BCO1: variants seen among roughly 807,000 people sequenced by gnomAD.
BCO1 encodes beta,beta-carotene 15,15'-dioxygenase.
A neutral mutation model predicts 56.3 loss-of-function variants in BCO1; 54 were observed. The observed-to-expected ratio is 0.96, with a 90% confidence interval of 0.77 to 1.20. The LOEUF (loss-of-function observed/expected upper bound fraction) is 1.20, where lower values mean the gene tolerates loss of function less well. Ranked by LOEUF, BCO1 falls within the 50% of genes most tolerant of loss-of-function variation. BCO1 has a pLI of 0.00. For missense variants in BCO1, 801 were observed against 690.9 expected (o/e 1.16, Z -1.79); for synonymous variants, 318 against 266.1 (o/e 1.20, Z -1.90).
chr16:81,258,602 G>A (rs58808754), intron 2 of BCO1, among the ~76,000 whole-genome samples: 1 of 152,190 alleles, frequency 6.6e-6, no homozygotes, highest in Non-Finnish European at 1.5e-5. Flanking sequence ...ACACAAACAG[G>A]GTGGAAGGGA....
At position 81,264,730 on chromosome 16, in the gene BCO1, A is replaced by G. The variant is rs750755364; in HGVS notation, c.562A>G (p.Ile188Val). ...AGNVLNMGTS[I>V]VEKGKTKYVI... The stretch of plus-strand genomic sequence containing the variant: ...AAATGTTCTAAACATGGGCACATCC[A>G]TTGTGGAAAAGGGGAAGACAAAGTA... The change falls in exon 5 of 11, where the codon ATT becomes GTT. Residue 188 changes from isoleucine (I) to valine (V), a missense_variant. Ile to Val is a conservative substitution (Grantham distance 29). Coordinates refer to ENST00000258168, the MANE Select transcript of BCO1 (RefSeq NM_017429.3). 1 of 1,614,234 alleles carries G rather than the reference A, an allele frequency of 6.2e-7. No individual in the cohort carries two copies. Among genetic ancestry groups the G allele is most frequent in the Non-Finnish European group, 8.5e-7 (1 of 1,180,040 alleles).
At chr16:81,247,216 G>A (rs115073576) in intron 2 of BCO1, among the ~76,000 whole-genome samples, 2,219 of 152,266 alleles carry the variant, frequency 0.015, 61 homozygotes, top group African/African-American at 0.051. Context: ...GTGTTCTAAT[G>A]TGGTCAAACT....
At position 81,259,748 on chromosome 16, in the gene BCO1, T is replaced by C; in HGVS notation, c.266T>C (p.Val89Ala). ...ACCAATATTGAGGCAAACAGGATTGTGGTGTCTGAGTTTGGAACAATGGCC... is the reference window on the plus strand; with the variant it reads ...ACCAATATTGAGGCAAACAGGATTGCGGTGTCTGAGTTTGGAACAATGGCC... Reference protein sequence around the residue: ...YNTNIEANRIVVSEFGTMAYP... With the variant: ...YNTNIEANRIAVSEFGTMAYP... Residue 89 changes from valine (V) to alanine (A), a missense_variant, in exon 3 of 11, where the codon GTG (valine) becomes GCG (alanine). By Grantham distance (64) the Val-to-Ala change is moderately conservative. Transcript: ENST00000258168. 3 of 1,614,236 alleles carry C rather than the reference T, an allele frequency of 1.9e-6. No homozygotes were observed. The highest frequency in any genetic ancestry group is 2.2e-5 in the East Asian group (1 of 44,880).
chr16:81,240,559 G>A (rs1459914511), intron 1 of BCO1, among the ~76,000 whole-genome samples: 1 of 151,948 alleles, frequency 6.6e-6, no homozygotes, highest in South Asian at 2.1e-4. Flanking sequence ...ACACAAATTA[G>A]CCAGGGGTGG....
At chr16:81,282,310 C>T (rs1190880392) in intron 8 of BCO1, among the ~76,000 whole-genome samples, 1 of 152,006 alleles carries the variant, frequency 6.6e-6, no homozygotes, top group East Asian at 1.9e-4. Flanking sequence ...GCTTGAACCC[C>T]GAAGGCAGAG....
At chr16:81,276,051 G>T (rs1394527888) in intron 7 of BCO1, among the ~76,000 whole-genome samples, 1 of 152,276 alleles carries the variant, frequency 6.6e-6, no homozygotes, top group South Asian at 2.1e-4. Context: ...AGGAAGCACT[G>T]TGGACCTGGA....
At chr16:81,284,050 G>A (rs113612833) in intron 8 of BCO1, among the ~76,000 whole-genome samples, 213 of 151,120 alleles carry the variant, frequency 1.4e-3, no homozygotes, top group African/African-American at 3.8e-3. Context: ...AAAAGTAGCC[G>A]GATGTGGTGG....
rs1597358289 is a variant in BCO1 at position 81,262,163 on chromosome 16, C to A, written c.351C>A (p.Ile117=). The A allele has an allele frequency of 6.2e-7, 1 of 1,614,004 alleles. No homozygotes were observed. Among genetic ancestry groups the A allele is most frequent in the Non-Finnish European group, 8.5e-7 (1 of 1,179,996 alleles). Residue 117 remains isoleucine, a synonymous_variant, in exon 4 of 11, where the codon ATC becomes ATA. Coordinates refer to ENST00000258168, the MANE Select transcript of BCO1 (RefSeq NM_017429.3). The part of the protein sequence containing the change: ...SKAFSYLSHT[I]PDFTDNCLIN... ...CTTTCTCCTACTTGTCTCACACCAT[C>A]CCCGATTTCACCGACAACTGCCTGA...
At chr16:81,268,212 G>A in intron 6 of BCO1, 81 bp downstream of exon 6, 1 of 1,323,208 alleles carries the variant, frequency 7.6e-7, no homozygotes, top group Non-Finnish European at 1.1e-6. Context: ...TGAAGTTTAA[G>A]GCAAGGAAGT....
chr16:81,281,024 G>A, intron 8 of BCO1, 62 bp downstream of exon 8: 1 of 1,224,606 alleles, frequency 8.2e-7, no homozygotes, highest in Non-Finnish European at 1.2e-6. Flanking sequence ...GGAGCCCAGA[G>A]GCCTCTTTAC....
chr16:81,268,984 C>G (rs1057129523), intron 6 of BCO1, among the ~76,000 whole-genome samples: 1 of 150,958 alleles, frequency 6.6e-6, no homozygotes, highest in Non-Finnish European at 1.5e-5. Context: ...CCAGGCTAGC[C>G]TCAAACTCTG....
At chr16:81,284,819 GTTTTCTTTTC>G (rs937182102) in intron 8 of BCO1, among the ~76,000 whole-genome samples, 12 of 146,146 alleles carry the variant, frequency 8.2e-5, no homozygotes, top group East Asian at 6.0e-4. Flanking sequence ...GTTTTGTTTT[GTTTTCTTTTC>G]TTTTCTTTTC....
At chr16:81,280,322 CAG>C (rs1282376582) in intron 7 of BCO1, among the ~76,000 whole-genome samples, 435 of 20,588 alleles carry the variant, frequency 0.021, 20 homozygotes, top group Non-Finnish European at 0.076. Flanking sequence ...CACACACACA[CAG>C]ACACACACAC....
chr16:81,276,395 G>T (rs1239112363), intron 7 of BCO1, among the ~76,000 whole-genome samples: 1 of 152,166 alleles, frequency 6.6e-6, no homozygotes, highest in Non-Finnish European at 1.5e-5. Flanking sequence ...AGCTCCTGAA[G>T]GGCCCAGCCT....
intron 4 of BCO1, chr16:81,262,922 C>T (rs993493472): frequency 6.4e-6 from 1 of 155,852 alleles, no homozygotes; most frequent in African/African-American, 2.4e-5. Context: ...AAGTCTGAAA[C>T]CAAGGTGTCA....
At chr16:81,260,830 C>G (rs1426982856) in intron 3 of BCO1, among the ~76,000 whole-genome samples, 1 of 152,170 alleles carries the variant, frequency 6.6e-6, no homozygotes, top group Admixed American at 6.5e-5. Context: ...TTTAAATCAT[C>G]TGGATTAGTA....
intron 3 of BCO1, 119 bp downstream of exon 3, chr16:81,259,924 C>G (rs1199498295): frequency 1.6e-6 from 2 of 1,279,568 alleles, no homozygotes; most frequent in Admixed American, 3.4e-5. Context: ...CTCCACATGA[C>G]TGCCCTTTAA....
chr16:81,264,909 G>T (rs1363408771), intron 5 of BCO1, 122 bp downstream of exon 5: 1 of 1,143,000 alleles, frequency 8.7e-7, no homozygotes, highest in African/African-American at 1.5e-5. Context: ...GATTATTGAG[G>T]TGGACCATGA....
chr16:81,249,555 C>A (rs1905657972), intron 2 of BCO1, among the ~76,000 whole-genome samples: 1 of 152,124 alleles, frequency 6.6e-6, no homozygotes, highest in African/African-American at 2.4e-5. Flanking sequence ...TGTGCCCGGC[C>A]CCGGCTAGGT....
Sources: allele counts gnomAD v4.1 joint callset (sites outside exome capture counted in the v4.1 genomes callset), GRCh38; gene constraint gnomAD v4.1.1; transcripts MANE v1.5; gene names NCBI Gene and HGNC (gene_info 2026-07-23, HGNC 2026-07-21).